Variants in SLC16A3 observed in about 807,000 individuals in gnomAD.
SLC16A3 encodes the protein solute carrier family 16 member 3, also known as monocarboxylate transporter 4.
A neutral mutation model predicts 25.0 loss-of-function variants in SLC16A3; 22 were observed. The ratio of observed to expected loss-of-function variants is 0.88; its 90% CI spans 0.63 to 1.26. SLC16A3 has a LOEUF of 1.26. Among genes scored for constraint, SLC16A3 ranks in the 50% most tolerant of loss-of-function variants. The pLI is 0.00. For synonymous variants in SLC16A3, 390 were observed against 309.2 expected, an observed-to-expected ratio of 1.26 and a Z score of -2.74; for missense variants, 731 against 666.6, an observed-to-expected ratio of 1.10 and a Z score of -1.06.
chr17:82,236,912 G>A (rs1191859799), intron 3 of SLC16A3, 40 bp downstream of exon 3: 3 of 1,596,816 alleles, frequency 1.9e-6, no homozygotes, highest in Middle Eastern at 1.8e-4. Flanking sequence ...TGCCAGGAGG[G>A]GCAGGGGCCG....
intron 1 of SLC16A3, chr17:82,230,832 A>ATCTG (rs2050482143): frequency 6.6e-6 from 1 of 152,072 alleles, no homozygotes; most frequent in African/African-American, 2.4e-5. Context: ...AGTCAGGCCC[A>ATCTG]TCTGTGAAAT....
At chr17:82,236,606 G>C (rs2050608531) in intron 2 of SLC16A3, 123 bp from the exon 3 acceptor site, 1 of 1,413,774 alleles carries the variant, frequency 7.1e-7, no homozygotes, top group East Asian at 2.3e-5. Flanking sequence ...GGGTGCCCCT[G>C]GTGCCCCGCG....
At position 82,238,828 on chromosome 17, in the gene SLC16A3, C is replaced by T. The variant is rs772439795; in HGVS notation, c.1250C>T (p.Pro417Leu). ...FFCIRKKPKE[P>L]QPEVAAAEEE... Reference sequence around the variant, plus strand: ...TGCATTAGGAAGAAGCCCAAAGAGCCACAGCCTGAGGTGGCGGCCGCGGAG... The same window carrying T: ...TGCATTAGGAAGAAGCCCAAAGAGCTACAGCCTGAGGTGGCGGCCGCGGAG... Residue 417 changes from proline (P) to leucine (L), a missense_variant, in exon 5 of 5, where the codon CCA becomes CTA. By Grantham distance (98) the Pro-to-Leu change is moderately conservative. Transcript: ENST00000582743. 1 of 1,612,834 alleles carries T rather than the reference C, an allele frequency of 6.2e-7. No individual in the cohort carries two copies. Among genetic ancestry groups the T allele is most frequent in the Admixed American group, 1.7e-5 (1 of 60,004 alleles).
rs149701554 is a variant in SLC16A3, at chr17:82,238,806, A to G, written c.1228A>G (p.Ile410Val). The G allele has an allele frequency of 1.9e-6, 3 of 1,612,868 alleles. No homozygotes were observed. The African/African-American group carries it at 4.0e-5, about 21-fold the overall frequency. Reference protein sequence around the residue: ...LILLLGNFFCIRKKPKEPQPE... With the variant: ...LILLLGNFFCVRKKPKEPQPE... ...TTTGCTGCTGGGCAACTTCTTCTGC[A>G]TTAGGAAGAAGCCCAAAGAGCCACA... Residue 410 changes from isoleucine to valine, a missense_variant, in exon 5 of 5, where the codon ATT (isoleucine) becomes GTT (valine). Ile to Val is a conservative substitution (Grantham distance 29). Transcript: ENST00000582743.
intron 2 of SLC16A3, 76 bp downstream of exon 2, chr17:82,236,307 C>A: frequency 2.9e-6 from 4 of 1,362,866 alleles, no homozygotes; most frequent in Non-Finnish European, 4.1e-6. Context: ...TAGCTGGGCT[C>A]AGCAACAGGG....
At chr17:82,224,975 C>A (rs1182469802), upstream of SLC16A3, among the ~76,000 whole-genome samples, 1 of 152,198 alleles carries the variant, frequency 6.6e-6, no homozygotes, top group Non-Finnish European at 1.5e-5. Context: ...GGCTGCCACT[C>A]CCTGGGAAGG....
chr17:82,218,900 C>T (rs535872404), intron 1 of SLC16A3, among the ~76,000 whole-genome samples: 66 of 152,234 alleles, frequency 4.3e-4, no homozygotes, highest in South Asian at 1.0e-3. Flanking sequence ...ACTGAGCCGC[C>T]GGGGGCACCG....
chr17:82,225,315 C>T (rs185556956), upstream of SLC16A3, among the ~76,000 whole-genome samples: 1 of 152,196 alleles, frequency 6.6e-6, no homozygotes, highest in Admixed American at 6.5e-5. Flanking sequence ...TTCTCTGGGG[C>T]GAGTGAAGGG....
intron 1 of SLC16A3, among the ~76,000 whole-genome samples, chr17:82,233,214 G>A (rs2147120998): frequency 6.6e-6 from 1 of 152,352 alleles, no homozygotes; most frequent in East Asian, 1.9e-4. Flanking sequence ...CCAGGCTGGA[G>A]TGGGAACTCC....
chr17:82,238,758 G>A lies in SLC16A3; in HGVS notation c.1180G>A (p.Glu394Lys). The change falls in exon 5 of 5, where the codon GAG becomes AAG. Residue 394 changes from glutamate to lysine, a missense_variant. Glu to Lys is a moderately conservative substitution (Grantham distance 56). Transcript: ENST00000582743. ...GTACGTGTTCATCCTGGCGGGGGCC[G>A]AGGTGCTCACCTCCTCCCTGATTTT... is the stretch of plus-strand genomic sequence containing the variant. Reference protein sequence around the residue: ...YMYVFILAGAEVLTSSLILLL... With the variant: ...YMYVFILAGAKVLTSSLILLL... The A allele has an allele frequency of 2.5e-6, 4 of 1,612,652 alleles. No individual in the cohort carries two copies. Among genetic ancestry groups the A allele is most frequent in the African/African-American group, 1.3e-5 (1 of 75,038 alleles).
rs2050651858 is a variant in SLC16A3 at position 82,237,894 on chromosome 17, G to A, written c.1123+1G>A. The A allele has an allele frequency of 6.3e-7, 1 of 1,597,308 alleles. No homozygotes were observed. The highest frequency in any genetic ancestry group is 8.5e-7 in the Non-Finnish European group (1 of 1,179,368). On this transcript the variant is annotated splice_donor_variant, in intron 4 of 4. Coordinates refer to ENST00000582743, the MANE Select transcript of SLC16A3 (RefSeq NM_004207.4). LOFTEE classifies it high-confidence loss of function. Reference sequence around the variant, plus strand: ...GTGCTCGTCGGGCCCCCTTCGGGAGGTGAGCGCTGCGCCCCCAGGCAGTTC... The same window carrying A: ...GTGCTCGTCGGGCCCCCTTCGGGAGATGAGCGCTGCGCCCCCAGGCAGTTC...
Position 82,237,555 on chromosome 17 carries a change from A to G in SLC16A3, c.785A>G (p.Lys262Arg). ...AAGGACCTGGGCGTGCCCGACACCA[A>G]GGCCGCCTTCCTGCTCACCATCCTG... ...YAKDLGVPDTKAAFLLTILGF... is the reference protein window; with the variant it reads ...YAKDLGVPDTRAAFLLTILGF... The change falls in exon 4 of 5, where the codon AAG (lysine) becomes AGG (arginine). Residue 262 changes from lysine to arginine, a missense_variant. Coordinates refer to ENST00000582743, the MANE Select transcript of SLC16A3 (RefSeq NM_004207.4). The G allele has an allele frequency of 6.2e-7, 1 of 1,611,156 alleles. No individual in the cohort carries two copies. The highest frequency in any genetic ancestry group is 8.5e-7 in the Non-Finnish European group (1 of 1,178,766).
chr17:82,227,666 C>G (rs536883488), upstream of SLC16A3, among the ~76,000 whole-genome samples: 1 of 22,658 alleles, frequency 4.4e-5, no homozygotes, highest in Non-Finnish European at 1.1e-4. Context: ...GCGGGAGCAC[C>G]ACCTGCCCTG....
intron 1 of SLC16A3, chr17:82,235,153 CGTG>C (rs1222623365): frequency 6.6e-6 from 1 of 152,278 alleles, no homozygotes; most frequent in Non-Finnish European, 1.5e-5. Context: ...GGTTTGCTCT[CGTG>C]GGCTGGATGG....
upstream of SLC16A3, among the ~76,000 whole-genome samples, chr17:82,223,669 C>T (rs1288958154): frequency 6.6e-6 from 1 of 152,020 alleles, no homozygotes; most frequent in African/African-American, 2.4e-5. Flanking sequence ...CATGCCACCA[C>T]GTGTGGCTAA....
At chr17:82,233,468 G>C (rs974381561) in intron 1 of SLC16A3, among the ~76,000 whole-genome samples, 1 of 152,094 alleles carries the variant, frequency 6.6e-6, no homozygotes, top group East Asian at 1.9e-4. Context: ...CAGGGGCGCC[G>C]CGTCTCCTGA....
intron 1 of SLC16A3, chr17:82,231,996 C>G (rs2050504035): frequency 6.6e-6 from 1 of 152,264 alleles, no homozygotes; most frequent in South Asian, 2.1e-4. Context: ...ACTGCTCCTT[C>G]CTTGTTTGCA....
intron 3 of SLC16A3, 102 bp from the exon 4 acceptor site, chr17:82,237,036 G>A: frequency 1.4e-6 from 2 of 1,455,894 alleles, no homozygotes; most frequent in Non-Finnish European, 1.8e-6. Flanking sequence ...CAGGGGCTCT[G>A]CACCCTGGGA....
In SLC16A3 at chr17:82,236,066, T is replaced by C. The variant is rs1463125180; in HGVS notation, c.58T>C (p.Trp20Arg). The C allele has an allele frequency of 6.2e-7, 1 of 1,612,796 alleles. No homozygotes were observed. The highest frequency in any genetic ancestry group is 1.1e-5 in the South Asian group (1 of 91,086). ...AGGCGTCAAGGCCCCTGACGGCGGC[T>C]GGGGCTGGGCCGTGCTCTTCGGCTG... ...PTGVKAPDGGWGWAVLFGCFV... is the reference protein window; with the variant it reads ...PTGVKAPDGGRGWAVLFGCFV... Residue 20 changes from tryptophan (W) to arginine (R), a missense_variant, in exon 2 of 5, where the codon TGG becomes CGG. By Grantham distance (101) the Trp-to-Arg change is moderately radical. Transcript: ENST00000582743.
Sources: allele counts gnomAD v4.1 joint callset (sites outside exome capture counted in the v4.1 genomes callset), GRCh38; gene constraint gnomAD v4.1.1; transcripts MANE v1.5; gene names NCBI Gene and HGNC (gene_info 2026-07-23, HGNC 2026-07-21).